The following ATOSA variants were observed in gnomAD, a reference collection of about 807,000 sequenced individuals.
ATOSA encodes the protein atos homolog protein A.
chr15:52,582,080 G>T, the ATOSA span: 1 of 1,232,132 alleles, frequency 8.1e-7, no homozygotes, highest in Non-Finnish European at 1.1e-6. Context: ...TGTTAATTTG[G>T]TACACTCCAT....
the ATOSA span, among the ~76,000 whole-genome samples, chr15:52,643,681 C>T: frequency 1.3e-5 from 2 of 151,758 alleles, no homozygotes; most frequent in Non-Finnish European, 2.9e-5. Context: ...TTTGAGAGGC[C>T]GAGGCAGGCG....
the ATOSA span, among the ~76,000 whole-genome samples, chr15:52,644,159 G>A: frequency 2.6e-5 from 4 of 151,658 alleles, no homozygotes; most frequent in South Asian, 8.3e-4. Context: ...CTGGCCTCAA[G>A]CAATCCTCCA....
At chr15:52,609,558 A>C in the ATOSA span, 19 of 1,613,552 alleles carry the variant, frequency 1.2e-5, no homozygotes, top group Non-Finnish European at 1.6e-5. Context: ...TTTCACTTCG[A>C]GGAGTTTCTG....
At chr15:52,644,245 A>G in the ATOSA span, among the ~76,000 whole-genome samples, 1 of 152,124 alleles carries the variant, frequency 6.6e-6, no homozygotes. Context: ...CTTAATTTCT[A>G]TTCTTATGGA....
chr15:52,587,110 G>A, the ATOSA span: 3 of 1,611,936 alleles, frequency 1.9e-6, no homozygotes, highest in Non-Finnish European at 2.5e-6. Flanking sequence ...ATATGTATGT[G>A]AGAGAATGAT....
the ATOSA span, among the ~76,000 whole-genome samples, chr15:52,614,150 G>T: frequency 6.6e-6 from 1 of 152,020 alleles, no homozygotes; most frequent in East Asian, 1.9e-4. Flanking sequence ...TTTTTGTCCA[G>T]GCTGGAGTGC....
the ATOSA span, among the ~76,000 whole-genome samples, chr15:52,653,369 T>C: frequency 3.9e-5 from 6 of 152,182 alleles, no homozygotes; most frequent in African/African-American, 1.2e-4. Flanking sequence ...TGGAGTTCTA[T>C]AGTACAGAAG....
At chr15:52,643,054 C>G in the ATOSA span, among the ~76,000 whole-genome samples, 1 of 152,128 alleles carries the variant, frequency 6.6e-6, no homozygotes, top group African/African-American at 2.4e-5. Context: ...CCAGGGCCAC[C>G]ACAAGATGCC....
At chr15:52,699,036 G>T in the ATOSA span, among the ~76,000 whole-genome samples, 1 of 152,190 alleles carries the variant, frequency 6.6e-6, no homozygotes, top group Non-Finnish European at 1.5e-5. Flanking sequence ...GAATAAAATG[G>T]AGAATGAAAA....
the ATOSA span, among the ~76,000 whole-genome samples, chr15:52,601,845 T>A: frequency 6.6e-6 from 1 of 152,188 alleles, no homozygotes; most frequent in African/African-American, 2.4e-5. Flanking sequence ...TCTGGTCTAA[T>A]TAGTGACTGA....
At chr15:52,608,506 A>G in the ATOSA span, 1 of 1,496,686 alleles carries the variant, frequency 6.7e-7, no homozygotes, top group South Asian at 1.4e-5. Context: ...ATCTCCTGTG[A>G]ACAAAATTTA....
chr15:52,617,888 T>C, the ATOSA span, among the ~76,000 whole-genome samples: 1 of 151,758 alleles, frequency 6.6e-6, no homozygotes, highest in Non-Finnish European at 1.5e-5. Context: ...ATCCACATAA[T>C]TGTAACACAT....
chr15:52,709,785 C>T, the ATOSA span: 1 of 152,406 alleles, frequency 6.6e-6, no homozygotes, highest in African/African-American at 2.4e-5. Context: ...GGGAGATGAT[C>T]TGAAAGTCTA....
At chr15:52,610,415 G>A in the ATOSA span, 1 of 1,555,182 alleles carries the variant, frequency 6.4e-7, no homozygotes, top group Non-Finnish European at 8.7e-7. Flanking sequence ...CTGTATTATT[G>A]GATTATAAAG....
chr15:52,630,503 G>T, the ATOSA span, among the ~76,000 whole-genome samples: 1 of 152,166 alleles, frequency 6.6e-6, no homozygotes, highest in Non-Finnish European at 1.5e-5. Context: ...AATTACATAT[G>T]ATTTCACATT....
chr15:52,677,217 C>T, the ATOSA span, among the ~76,000 whole-genome samples: 3 of 152,126 alleles, frequency 2.0e-5, no homozygotes, highest in African/African-American at 7.2e-5. Flanking sequence ...GGAAATCTGT[C>T]ATCTAGTCCA....
At chr15:52,652,032 C>A in the ATOSA span, 5 of 1,498,606 alleles carry the variant, frequency 3.3e-6, no homozygotes, top group Non-Finnish European at 4.4e-6. Context: ...ATCCCGCTTC[C>A]CTCCGTGTAA....
chr15:52,697,127 T>C, the ATOSA span, among the ~76,000 whole-genome samples: 1 of 152,242 alleles, frequency 6.6e-6, no homozygotes, highest in Non-Finnish European at 1.5e-5. Context: ...TCATTCCTTC[T>C]TTCTCCTATC....
the ATOSA span, chr15:52,611,116 G>C: frequency 6.4e-7 from 1 of 1,572,736 alleles, no homozygotes; most frequent in Admixed American, 2.1e-5. Context: ...CTTTTTTTTT[G>C]GCCCTAGACA....
Sources: gnomAD v4.1 joint callset for allele counts (sites outside exome capture counted in the v4.1 genomes callset) on GRCh38, gnomAD v4.1.1 for gene constraint, MANE v1.5 for transcripts, NCBI Gene and HGNC (gene_info 2026-07-23, HGNC 2026-07-21) for gene names.